ITGA8: variants seen among roughly 807,000 people sequenced by gnomAD.
ITGA8 encodes integrin subunit alpha 8.
ITGA8 carries 91 observed loss-of-function variants against 142.3 expected under a neutral mutation model. The ratio of observed to expected loss-of-function variants is 0.64; its 90% CI spans 0.54 to 0.76. The LOEUF (loss-of-function observed/expected upper bound fraction) is 0.76. Ranked by LOEUF, ITGA8 falls within the 30% of genes least tolerant of loss-of-function variation. The pLI is 0.00. For synonymous variants in ITGA8, 505 were observed against 485.2 expected (o/e 1.04, Z -0.54); for missense variants, 1,406 against 1,327.7 (o/e 1.06, Z -0.92).
intron 2 of ITGA8, among the ~76,000 whole-genome samples, chr10:15,708,896 G>A (rs1039747477): frequency 6.6e-6 from 1 of 152,138 alleles, no homozygotes; most frequent in African/African-American, 2.4e-5. Context: ...TCCCTGTGTG[G>A]CTTGAACTGG....
chr10:15,580,647 A>G (rs1260402827), intron 23 of ITGA8, among the ~76,000 whole-genome samples: 2 of 152,222 alleles, frequency 1.3e-5, no homozygotes, highest in African/African-American at 4.8e-5. Flanking sequence ...AAATTAATCA[A>G]TTCACCACTT....
intron 2 of ITGA8, among the ~76,000 whole-genome samples, chr10:15,718,142 AC>A: frequency 6.6e-6 from 1 of 152,260 alleles, no homozygotes; most frequent in East Asian, 1.9e-4. Flanking sequence ...AGGAAACGTA[AC>A]CAGACTGAAT....
rs139605704 is a variant in ITGA8, at chr10:15,542,498, A to G, written c.2880+5957T>C. ...TTATTGGATTCTGAAATAGCATGCT[A>G]TACAATTTAAATATCTTGAAAAATT... is the stretch of plus-strand genomic sequence containing the variant. On this transcript the variant is annotated intron_variant, in intron 27 of 29. Transcript: ENST00000378076. 5.8e-4 allele frequency among the ~76,000 whole-genome samples: 89 copies of G among 152,326 alleles called. 1 individual carries two copies. The East Asian group carries it at 0.017, about 29-fold the overall frequency.
intron 2 of ITGA8, among the ~76,000 whole-genome samples, chr10:15,705,612 C>T (rs754871797): frequency 4.6e-5 from 7 of 152,166 alleles, no homozygotes; most frequent in Non-Finnish European, 8.8e-5. Flanking sequence ...ACCTTCTTAA[C>T]TATTAAATTT....
In ITGA8 at chr10:15,719,764, G is replaced by A; in HGVS notation, c.8C>T (p.Pro3Leu). The A allele has an allele frequency of 4.4e-6, 6 of 1,351,132 alleles. No individual in the cohort carries two copies. Among genetic ancestry groups the A allele is most frequent in the Non-Finnish European group, 5.7e-6 (6 of 1,060,250 alleles). 83.7% of individuals were successfully genotyped at this position (1,351,132 alleles called of 1,614,324 possible). The change falls in exon 1 of 30, where the codon CCC becomes CTC. Residue 3 changes from proline to leucine, a missense_variant. Pro to Leu is a moderately conservative substitution (Grantham distance 98, BLOSUM62 -3). Coordinates refer to ENST00000378076, the MANE Select transcript of ITGA8 (RefSeq NM_003638.3). MSPGASRGPRGSQ... is the reference protein window; with the variant it reads MSLGASRGPRGSQ... ...TCCCCGGGGACCGCGGCTGGCCCCG[G>A]GCGACATCTCCCTCCGCCCCGGTGG... is the stretch of plus-strand genomic sequence containing the variant.
intron 8 of ITGA8, among the ~76,000 whole-genome samples, chr10:15,663,128 A>C (rs930365605): frequency 1.3e-4 from 10 of 76,144 alleles, no homozygotes; most frequent in Admixed American, 5.6e-4. Context: ...TGAAGTGCTC[A>C]CTGTTTTTTA....
intron 10 of ITGA8, among the ~76,000 whole-genome samples, chr10:15,658,353 A>G (rs370759491): frequency 2.0e-5 from 3 of 152,260 alleles, no homozygotes; most frequent in African/African-American, 7.2e-5. Context: ...TGAAAGATTC[A>G]TGTTAATACG....
chr10:15,606,835 C>A (rs1833205230), intron 17 of ITGA8, among the ~76,000 whole-genome samples: 2 of 152,140 alleles, frequency 1.3e-5, no homozygotes, highest in Admixed American at 6.5e-5. Flanking sequence ...AAGAAGAAAA[C>A]ATCTTGATTC....
intron 2 of ITGA8, among the ~76,000 whole-genome samples, chr10:15,710,594 A>G (rs1476733182): frequency 6.6e-6 from 1 of 152,204 alleles, no homozygotes; most frequent in Non-Finnish European, 1.5e-5. Flanking sequence ...GTGTGGCAAC[A>G]CGTGTGTATG....
intron 27 of ITGA8, among the ~76,000 whole-genome samples, chr10:15,542,850 T>A (rs760443883): frequency 1.3e-5 from 2 of 152,196 alleles, no homozygotes; most frequent in Non-Finnish European, 1.5e-5. Flanking sequence ...TACAAGCATG[T>A]ATCATGGTGC....
chr10:15,522,122 A>G (rs1375422791), intron 28 of ITGA8, among the ~76,000 whole-genome samples: 2 of 152,224 alleles, frequency 1.3e-5, no homozygotes, highest in Non-Finnish European at 2.9e-5. Flanking sequence ...AGCAACGATA[A>G]ATGTTTGAGA....
In ITGA8 at chr10:15,683,397, A is replaced by G. The variant is rs9333093; in HGVS notation, c.568+607T>C. On this transcript the variant is annotated intron_variant, in intron 4 of 29. Coordinates refer to ENST00000378076, the MANE Select transcript of ITGA8 (RefSeq NM_003638.3). ...ACAGAGATAAAGTGATTAAAACACA[A>G]TGCCCCAAAGATGACACTCCCAGGT... Among the ~76,000 whole-genome samples the G allele has an allele frequency of 6.3e-3, 953 of 152,088 alleles. 8 individuals are homozygous for G. The highest frequency in any genetic ancestry group is 0.022 in the African/African-American group (916 of 41,444).
intron 25 of ITGA8, among the ~76,000 whole-genome samples, chr10:15,570,691 T>G (rs1321308627): frequency 1.3e-5 from 2 of 151,808 alleles, no homozygotes; most frequent in Non-Finnish European, 2.9e-5. Context: ...TGGCTTGGTT[T>G]GCAAGAATCT....
At position 15,525,531 on chromosome 10, in the gene ITGA8, A is replaced by G. The variant is rs575809618; in HGVS notation, c.2982+5519T>C. Among the ~76,000 whole-genome samples the G allele has an allele frequency of 3.3e-5, 5 of 150,882 alleles. No homozygotes were observed. The South Asian group carries it at 1.1e-3, about 32-fold the overall frequency. On this transcript the variant is annotated intron_variant, in intron 28 of 29. Coordinates refer to ENST00000378076, the MANE Select transcript of ITGA8 (RefSeq NM_003638.3). ...GTGGCACACACCTGTAATCCCAGCTACTAGGGAGGCCGAGGTAGGAGAATC... is the reference window on the plus strand; with the variant it reads ...GTGGCACACACCTGTAATCCCAGCTGCTAGGGAGGCCGAGGTAGGAGAATC...
At position 15,680,876 on chromosome 10, in the gene ITGA8, C is replaced by CT. The variant is rs577722270; in HGVS notation, c.569-2094dup. Among the ~76,000 whole-genome samples, 223 of 143,522 alleles carry CT rather than the reference C, an allele frequency of 1.6e-3. 1 individual carries two copies. The highest frequency in any genetic ancestry group is 4.2e-3 in the South Asian group (19 of 4,514). The allele number at this position is 143,522 out of a possible 152,430, so 94.2% of individuals were successfully genotyped here. Reference sequence around the variant, plus strand: ...TGTGAGGTTCTTTCCATTGCAAAGTCTTTTTTTTTTTCCTTGTTGAATCAT... The same window carrying CT: ...TGTGAGGTTCTTTCCATTGCAAAGTCTTTTTTTTTTTTCCTTGTTGAATCAT... On this transcript the variant is annotated intron_variant, in intron 4 of 29. Coordinates refer to ENST00000378076, the MANE Select transcript of ITGA8 (RefSeq NM_003638.3).
At chr10:15,671,799 A>C (rs1381684707) in intron 7 of ITGA8, 152 bp from the exon 8 acceptor site, 1 of 594,064 alleles carries the variant, frequency 1.7e-6, no homozygotes, top group Non-Finnish European at 2.9e-6. Context: ...AAAGGGAAAA[A>C]TTAATCACAC....
chr10:15,604,625 T>A (rs1833162251), intron 19 of ITGA8, among the ~76,000 whole-genome samples: 1 of 150,084 alleles, frequency 6.7e-6, no homozygotes, highest in African/African-American at 2.4e-5. Flanking sequence ...CATTTTCAGA[T>A]TCCAGTGGTG....
Position 15,718,772 on chromosome 10 carries a change from T to C in ITGA8, c.337A>G (p.Thr113Ala). ...SAQCRQIPFD[T>A]TNNRKIRVNG... ...AAGGACAAATCTCACTTACTGGTGG[T>C]GTCAAACGGTATCTGCCTGCACTGC... The change falls in exon 2 of 30, where the codon ACC (threonine) becomes GCC (alanine). Residue 113 changes from threonine to alanine, a missense_variant. By Grantham distance (58) the Thr-to-Ala change is moderately conservative (BLOSUM62 0). Transcript: ENST00000378076. The C allele has an allele frequency of 1.2e-6, 2 of 1,613,834 alleles. No individual in the cohort carries two copies. The highest frequency in any genetic ancestry group is 1.7e-6 in the Non-Finnish European group (2 of 1,179,870).
intron 26 of ITGA8, among the ~76,000 whole-genome samples, chr10:15,549,732 A>G (rs980489342): frequency 6.6e-6 from 1 of 152,384 alleles, no homozygotes; most frequent in East Asian, 1.9e-4. Context: ...TATGTGAAGT[A>G]GTTGACTGAG....
Sources: allele counts gnomAD v4.1 joint callset (sites outside exome capture counted in the v4.1 genomes callset), GRCh38; gene constraint gnomAD v4.1.1; transcripts MANE v1.5; gene names NCBI Gene and HGNC (gene_info 2026-07-23, HGNC 2026-07-21).